EVA1C: variants seen among roughly 807,000 people sequenced by gnomAD.
EVA1C encodes the protein eva-1 homolog C, also known as protein eva-1 homolog C.
A neutral mutation model predicts 45.4 loss-of-function variants in EVA1C; 25 were observed. The ratio of observed to expected loss-of-function variants is 0.55; its 90% CI spans 0.40 to 0.77. EVA1C has a LOEUF of 0.77. EVA1C is among the 30% of genes least tolerant of loss of function. The pLI, the probability that EVA1C is intolerant of heterozygous loss-of-function variation, is 0.00. For missense variants in EVA1C, 479 were observed against 554.8 expected (o/e 0.86, Z 1.37); for synonymous variants, 190 against 221.2 (o/e 0.86, Z 1.25).
chr21:32,434,455 G>C (rs1166282984), intron 1 of EVA1C, among the ~76,000 whole-genome samples: 5 of 151,684 alleles, frequency 3.3e-5, no homozygotes, highest in African/African-American at 4.8e-5. Context: ...GCCGGGCATG[G>C]TGGTGGGCAC....
intron 1 of EVA1C, among the ~76,000 whole-genome samples, chr21:32,429,078 G>A (rs1043063552): frequency 2.8e-5 from 4 of 145,272 alleles, no homozygotes; most frequent in East Asian, 1.9e-4. Context: ...CGAGATTGTC[G>A]CCTTGGTGCA....
chr21:32,464,814 C>A (rs1296310339), intron 3 of EVA1C, among the ~76,000 whole-genome samples: 1 of 152,050 alleles, frequency 6.6e-6, no homozygotes, highest in African/African-American at 2.4e-5. Flanking sequence ...CAGAGTGAGA[C>A]CCCGTCTCAA....
rs1288566179 is a variant in EVA1C, at chr21:32,502,036, CTTTCTTTCTTTCTTTCTTCT to C, written c.859+544_859+563del. On this transcript the variant is annotated intron_variant, in intron 6 of 7. Coordinates refer to ENST00000300255, the MANE Select transcript of EVA1C (RefSeq NM_058187.5). ...TCTTTCTTTCTTTCTTTCTTTCTTT[CTTTCTTTCTTTCTTTCTTCT>C]TTCTTTCTTTCTTCTGTCTTTCTTT... 3.9e-3 allele frequency among the ~76,000 whole-genome samples: 309 copies of C among 78,286 alleles called. 1 individual carries two copies. The highest frequency in any genetic ancestry group is 0.011 in the African/African-American group (224 of 21,130). The allele number at this position is 78,286 out of a possible 152,430, so 51.4% of individuals were successfully genotyped here.
chr21:32,470,200 G>A lies in EVA1C; in HGVS notation c.634+2352G>A, dbSNP rs1052567312. On this transcript the variant is annotated intron_variant, in intron 4 of 7. Transcript: ENST00000300255. ...AAATGCATGCCTAAGTAATACCTTG[G>A]ACCTGAAAAAAAGAAAATGAACAAA... Among the ~76,000 whole-genome samples the A allele has an allele frequency of 5.9e-5, 9 of 152,058 alleles. No individual in the cohort carries two copies. In the South Asian group the frequency reaches 1.0e-3, roughly 18 times the overall value.
At chr21:32,467,970 C>A (rs373964829) in intron 4 of EVA1C, 122 bp downstream of exon 4, 7 of 591,878 alleles carry the variant, frequency 1.2e-5, no homozygotes, top group East Asian at 3.9e-5. Context: ...AACACAATCA[C>A]GATCTTGTGA....
intron 7 of EVA1C, among the ~76,000 whole-genome samples, chr21:32,506,467 T>C (rs1353913164): frequency 6.6e-6 from 1 of 151,978 alleles, no homozygotes; most frequent in Non-Finnish European, 1.5e-5. Context: ...TAGCAAACCA[T>C]GACCACGCCT....
intron 4 of EVA1C, among the ~76,000 whole-genome samples, chr21:32,469,606 G>T (rs1408119985): frequency 2.0e-5 from 3 of 152,174 alleles, no homozygotes; most frequent in South Asian, 2.1e-4. Context: ...AGATTTTAAA[G>T]AATTAGTTCA....
intron 7 of EVA1C, among the ~76,000 whole-genome samples, chr21:32,510,316 A>C (rs964207287): frequency 3.9e-5 from 6 of 152,006 alleles, no homozygotes. Context: ...CAGCCTCCCA[A>C]ACTGCTGGAA....
intron 4 of EVA1C, among the ~76,000 whole-genome samples, chr21:32,494,573 AG>A (rs1254168061): frequency 6.6e-6 from 1 of 152,168 alleles, no homozygotes; most frequent in African/African-American, 2.4e-5. Context: ...ACTGGAGGTC[AG>A]GAGTTTGAGA....
Position 32,457,801 on chromosome 21 carries a change from G to A in EVA1C, c.481+81G>A, listed in dbSNP as rs369741806. ...CACTCCTGGTCAAAATTCTCTGCCCGTTGGCATTTGTCCAACTTTGAAACT... is the reference window on the plus strand; with the variant it reads ...CACTCCTGGTCAAAATTCTCTGCCCATTGGCATTTGTCCAACTTTGAAACT... On this transcript the variant is annotated intron_variant, in intron 3 of 7. Transcript: ENST00000300255. The A allele has an allele frequency of 2.5e-5, 39 of 1,535,478 alleles. 1 individual carries two copies. The highest frequency in any genetic ancestry group is 9.3e-5 in the South Asian group (8 of 86,166).
At position 32,467,740 on chromosome 21, in the gene EVA1C, C is replaced by G. The variant is rs200325800; in HGVS notation, c.526C>G (p.Leu176Val). ...CGTGTGTGAAGACCAGGAGCTGAAA[C>G]TGCACTGCCATGAATCCAAGTTCCT... ...KTVCEDQELK[L>V]HCHESKFLNI... is the part of the protein sequence containing the mutation. The change falls in exon 4 of 8, where the codon CTG becomes GTG. Residue 176 changes from leucine (L) to valine (V), a missense_variant. Leu to Val is a conservative substitution (Grantham distance 32). Transcript: ENST00000300255. 5.4e-5 allele frequency: 87 copies of G among 1,611,642 alleles called. No individual in the cohort carries two copies. The highest frequency in any genetic ancestry group is 3.0e-4 in the Admixed American group (18 of 59,582).
At chr21:32,423,939 A>G (rs2034391547) in intron 1 of EVA1C, among the ~76,000 whole-genome samples, 2 of 152,216 alleles carry the variant, frequency 1.3e-5, no homozygotes, top group South Asian at 4.1e-4. Context: ...GGAGGAGCAG[A>G]GAGGAAGAAA....
chr21:32,444,815 A>C (rs2035308695), intron 1 of EVA1C, among the ~76,000 whole-genome samples: 1 of 152,004 alleles, frequency 6.6e-6, no homozygotes, highest in Non-Finnish European at 1.5e-5. Flanking sequence ...CAGTCAACTT[A>C]TTAGCATACA....
chr21:32,512,129 A>G (rs920083860), intron 7 of EVA1C, among the ~76,000 whole-genome samples: 1 of 152,144 alleles, frequency 6.6e-6, no homozygotes, highest in African/African-American at 2.4e-5. Flanking sequence ...CTTGGAATTC[A>G]GGTGGTAGTC....
intron 1 of EVA1C, among the ~76,000 whole-genome samples, chr21:32,447,739 C>T (rs1601287675): frequency 6.6e-6 from 1 of 151,992 alleles, no homozygotes; most frequent in Non-Finnish European, 1.5e-5. Context: ...GAGTTTTGCT[C>T]TTGTTGCCTA....
Position 32,505,817 on chromosome 21 carries a change from C to T in EVA1C, c.949+1802C>T, listed in dbSNP as rs115240754. ...CCACCAATTCTATCAGATTAGGATTCCCCCCTTATGGCCTCCTTTAACCTT... is the reference window on the plus strand; with the variant it reads ...CCACCAATTCTATCAGATTAGGATTTCCCCCTTATGGCCTCCTTTAACCTT... On this transcript the variant is annotated intron_variant, in intron 7 of 7. Coordinates refer to ENST00000300255, the MANE Select transcript of EVA1C (RefSeq NM_058187.5). 6.4e-3 allele frequency among the ~76,000 whole-genome samples: 973 copies of T among 152,226 alleles called. 9 individuals carry two copies. The highest frequency in any genetic ancestry group is 0.023 in the African/African-American group (938 of 41,530).
intron 4 of EVA1C, among the ~76,000 whole-genome samples, chr21:32,471,836 G>A (rs190368728): frequency 6.6e-6 from 1 of 151,754 alleles, no homozygotes; most frequent in Admixed American, 6.6e-5. Context: ...CACTATGTTA[G>A]CCAGGATGGT....
chr21:32,499,566 C>T (rs1229593709), intron 5 of EVA1C, among the ~76,000 whole-genome samples: 1 of 152,216 alleles, frequency 6.6e-6, no homozygotes, highest in East Asian at 1.9e-4. Context: ...GGGACATCCC[C>T]AGAAGAATTT....
At chr21:32,490,480 C>A (rs1035997577) in intron 4 of EVA1C, among the ~76,000 whole-genome samples, 2 of 152,092 alleles carry the variant, frequency 1.3e-5, no homozygotes, top group African/African-American at 4.8e-5. Flanking sequence ...AGAAAGACCA[C>A]AGTGGAGGGC....
Sources: gnomAD v4.1 joint callset for allele counts (sites outside exome capture counted in the v4.1 genomes callset) on GRCh38, gnomAD v4.1.1 for gene constraint, MANE v1.5 for transcripts, NCBI Gene and HGNC (gene_info 2026-07-23, HGNC 2026-07-21) for gene names.